The following LZTS3 variants were observed in gnomAD, a reference collection of about 807,000 sequenced individuals.
LZTS3 encodes leucine zipper tumor suppressor family member 3.
In LZTS3, 16 loss-of-function variants were observed where a neutral mutation model predicts 50.9. The observed-to-expected ratio is 0.31, with a 90% confidence interval of 0.21 to 0.48. LZTS3 has a LOEUF of 0.48. LZTS3 is among the 20% of genes least tolerant of loss of function. LZTS3 has a pLI of 0.99. For synonymous variants in LZTS3, 408 were observed against 410.6 expected (o/e 0.99, Z 0.08); for missense variants, 816 against 931.0 (o/e 0.88, Z 1.61).
Position 3,164,018 on chromosome 20 carries a change from T to C in LZTS3, c.*436A>G, listed in dbSNP as rs911112. The C allele has an allele frequency of 0.73, 116,705 of 159,438 alleles. 43,661 individuals carry two copies. Among genetic ancestry groups the C allele is most frequent in the East Asian group, 0.88 (4,716 of 5,386 alleles). 9.9% of individuals were successfully genotyped at this position (159,438 alleles called of 1,614,324 possible). A position where few individuals can be genotyped will look rare whatever the true frequency, so the allele number is the denominator to read the frequency against. On this transcript the variant is annotated 3_prime_UTR_variant, in exon 5 of 5. Coordinates refer to ENST00000337576, the MANE Select transcript of LZTS3 (RefSeq NM_001365618.1). ...CAGGCTCTGTCAGTTTCAGCAAACC[T>C]GGTGCAGGCCCCCTCAGGCTCCATG...
chr20:3,168,960 A>C (rs911379282), intron 1 of LZTS3, among the ~76,000 whole-genome samples: 1 of 152,090 alleles, frequency 6.6e-6, no homozygotes, highest in Non-Finnish European at 1.5e-5. Flanking sequence ...CAGGAATGAG[A>C]GCTCTAGGTT....
intron 1 of LZTS3, among the ~76,000 whole-genome samples, chr20:3,170,500 A>AAAAAAAAAAAAAAAAAC (rs2066891013): frequency 6.7e-6 from 1 of 148,548 alleles, no homozygotes; most frequent in African/African-American, 2.5e-5. Context: ...AAAAAAAAAA[A>AAAAAAAAAAAAAAAAAC]AAAAAACAGG....
chr20:3,165,791 C>T lies in LZTS3; in HGVS notation c.1029G>A (p.Glu343=). 3 of 1,592,702 alleles carry T rather than the reference C, an allele frequency of 1.9e-6. No individual in the cohort carries two copies. Among genetic ancestry groups the T allele is most frequent in the Non-Finnish European group, 2.6e-6 (3 of 1,175,462 alleles). The part of the protein sequence containing the change: ...QEVAALRRSL[E]QSEAAVAQVL... Reference sequence around the variant, plus strand: ...CCTGGGCCACAGCCGCCTCGCTCTGCTCCAGGCTGCGCCGCAGAGCTGCCA... The same window carrying T: ...CCTGGGCCACAGCCGCCTCGCTCTGTTCCAGGCTGCGCCGCAGAGCTGCCA... The change falls in exon 4 of 5, where the codon GAG becomes GAA. Residue 343 remains glutamate (E), a synonymous_variant. Transcript: ENST00000337576. The surrounding 1 kb of genome is among the most constrained non-coding windows in gnomAD (Gnocchi z 5.0).
chr20:3,171,045 A>AGGG (rs1217677526), intron 1 of LZTS3, among the ~76,000 whole-genome samples: 20 of 152,354 alleles, frequency 1.3e-4, no homozygotes, highest in African/African-American at 4.6e-4. Flanking sequence ...TGACTGCACC[A>AGGG]GATACCTGGA....
chr20:3,165,838 G>A lies in LZTS3; in HGVS notation c.982C>T (p.Leu328=). 1.2e-6 allele frequency: 2 copies of A among 1,604,194 alleles called. No individual in the cohort carries two copies. Among genetic ancestry groups the A allele is most frequent in the Non-Finnish European group, 1.7e-6 (2 of 1,179,304 alleles). ...GCCACCTCCTGCTCCTTCTCCCACA[G>A]CCGCTCCTCCAGCTCCTGGATGAGT... is the stretch of plus-strand genomic sequence containing the variant. The part of the protein sequence containing the change: ...SALIQELEER[L]WEKEQEVAAL... The change falls in exon 4 of 5, where the codon CTG becomes TTG. Residue 328 remains leucine, a synonymous_variant. Coordinates refer to ENST00000337576, the MANE Select transcript of LZTS3 (RefSeq NM_001365618.1). The surrounding 1 kb of genome is among the most constrained non-coding windows in gnomAD (Gnocchi z 5.0).
In LZTS3 at chr20:3,164,260, A is replaced by C. The variant is rs2066771226; in HGVS notation, c.*194T>G. 2 of 520,908 alleles carry C rather than the reference A, an allele frequency of 3.8e-6. No individual in the cohort carries two copies. The highest frequency in any genetic ancestry group is 6.3e-6 in the Non-Finnish European group (2 of 316,192). The allele number at this position is 520,908 out of a possible 1,614,324, so 32.3% of individuals were successfully genotyped here. A position where few individuals can be genotyped will look rare whatever the true frequency, so the allele number is the denominator to read the frequency against. The stretch of plus-strand genomic sequence containing the variant: ...CTATTCCCTCCTTTTAGGGGGGTCC[A>C]AGTGGGCTGCCACGGGGGCAGTGCT... On this transcript the variant is annotated 3_prime_UTR_variant, in exon 5 of 5. Transcript: ENST00000337576.
In LZTS3 at chr20:3,167,315, A is replaced by C; in HGVS notation, c.-18-134T>G. ...CAATGGGTACAAAAAGTTCCCAGGCATCCAAGGTGAAGGAATAAGGCTGGG... is the reference window on the plus strand; with the variant it reads ...CAATGGGTACAAAAAGTTCCCAGGCCTCCAAGGTGAAGGAATAAGGCTGGG... On this transcript the variant is annotated intron_variant, in intron 2 of 4. Coordinates refer to ENST00000337576, the MANE Select transcript of LZTS3 (RefSeq NM_001365618.1). 5 of 1,383,336 alleles carry C rather than the reference A, an allele frequency of 3.6e-6. No individual in the cohort carries two copies. The South Asian group carries it at 7.5e-5, about 21-fold the overall frequency. 85.7% of individuals were successfully genotyped at this position (1,383,336 alleles called of 1,614,324 possible).
chr20:3,165,398 C>T lies in LZTS3; in HGVS notation c.1323+99G>A, dbSNP rs541162517. On this transcript the variant is annotated intron_variant, in intron 4 of 4. Transcript: ENST00000337576. The surrounding 1 kb of genome is among the most constrained non-coding windows in gnomAD (Gnocchi z 5.0). ...GTCCCCCCTGCTCCTTTCATCCCCCCCCCCATCCCACCGTTATGATAGTGA... is the reference window on the plus strand; with the variant it reads ...GTCCCCCCTGCTCCTTTCATCCCCCTCCCCATCCCACCGTTATGATAGTGA... The T allele has an allele frequency of 1.1e-5, 13 of 1,236,028 alleles. 1 individual carries two copies. The highest frequency in any genetic ancestry group is 5.9e-4 in the Middle Eastern group (2 of 3,362). 76.6% of individuals were successfully genotyped at this position (1,236,028 alleles called of 1,614,324 possible).
Position 3,163,304 on chromosome 20 carries a change from G to A in LZTS3, c.*1150C>T, listed in dbSNP as rs1187512889. 6.6e-6 allele frequency: 1 copy of A among 152,664 alleles called. No homozygotes were observed. The highest frequency in any genetic ancestry group is 1.5e-5 in the Non-Finnish European group (1 of 68,150). The allele number at this position is 152,664 out of a possible 1,614,324, so 9.5% of individuals were successfully genotyped here. ...TGGGCAGGTGCTGAGCCACCTCAGG[G>A]CGCCAGGAACCTCTCAGGTCAGCCT... On this transcript the variant is annotated 3_prime_UTR_variant, in exon 5 of 5. Coordinates refer to ENST00000337576, the MANE Select transcript of LZTS3 (RefSeq NM_001365618.1). The surrounding 1 kb of genome is among the most constrained non-coding windows in gnomAD (Gnocchi z 5.2).
In LZTS3 at chr20:3,166,972, G is replaced by A. The variant is rs1456001793; in HGVS notation, c.192C>T (p.Ser64=). The change falls in exon 3 of 5, where the codon AGC becomes AGT. Residue 64 remains serine, a synonymous_variant. Coordinates refer to ENST00000337576, the MANE Select transcript of LZTS3 (RefSeq NM_001365618.1). ...CTCGGGGGCCAGGGAAACTGCCCTGGCTGCCCCCACCCCCTGTGCGGGTAC... is the reference window on the plus strand; with the variant it reads ...CTCGGGGGCCAGGGAAACTGCCCTGACTGCCCCCACCCCCTGTGCGGGTAC... ...SVGTRTGGGG[S]QGSFPGPRGS... is the part of the protein sequence containing the mutation. 1.9e-6 allele frequency: 3 copies of A among 1,601,470 alleles called. No homozygotes were observed. Among genetic ancestry groups the A allele is most frequent in the Non-Finnish European group, 2.5e-6 (3 of 1,178,914 alleles).
Position 3,164,534 on chromosome 20 carries a change from T to C in LZTS3, c.1942A>G (p.Thr648Ala). 1 of 1,603,180 alleles carries C rather than the reference T, an allele frequency of 6.2e-7. No homozygotes were observed. Among genetic ancestry groups the C allele is most frequent in the Non-Finnish European group, 8.5e-7 (1 of 1,175,052 alleles). Residue 648 changes from threonine to alanine, a missense_variant, in exon 5 of 5, where the codon ACG becomes GCG. By Grantham distance (58) the Thr-to-Ala change is moderately conservative. Around this residue, in one of 3 missense-constraint regions of LZTS3, gnomAD observed 107 missense variants for 130.4 expected, o/e 0.82. Coordinates refer to ENST00000337576, the MANE Select transcript of LZTS3 (RefSeq NM_001365618.1). ...TCCTCGCCATGCTGGGGAGTGGGCGTGCTTGCACCCCCTGCGGCCCCGCGC... is the reference window on the plus strand; with the variant it reads ...TCCTCGCCATGCTGGGGAGTGGGCGCGCTTGCACCCCCTGCGGCCCCGCGC... ...RERGAAGGAS[T>A]PTPQHGEEKK...
In LZTS3 at chr20:3,166,945, G is replaced by A. The variant is rs1272740338; in HGVS notation, c.219C>T (p.Gly73=). 2.5e-6 allele frequency: 4 copies of A among 1,607,188 alleles called. No homozygotes were observed. Among genetic ancestry groups the A allele is most frequent in the East Asian group, 2.2e-5 (1 of 44,842 alleles). ...TCTCCCTGCTGGCCCCACTGCCACTGCCTCGGGGGCCAGGGAAACTGCCCT... is the reference window on the plus strand; with the variant it reads ...TCTCCCTGCTGGCCCCACTGCCACTACCTCGGGGGCCAGGGAAACTGCCCT... ...GSQGSFPGPR[G]SGSGASRERP... The change falls in exon 3 of 5, where the codon GGC becomes GGT. Residue 73 remains glycine (G), a synonymous_variant. Coordinates refer to ENST00000337576, the MANE Select transcript of LZTS3 (RefSeq NM_001365618.1).
chr20:3,165,810 G>A lies in LZTS3; in HGVS notation c.1010C>T (p.Ala337Val), dbSNP rs1258978856. The change falls in exon 4 of 5, where the codon GCT becomes GTT. Residue 337 changes from alanine to valine, a missense_variant. Physicochemically the swap from Ala to Val is moderately conservative, Grantham distance 64. Around this residue, in one of 3 missense-constraint regions of LZTS3, gnomAD observed 700 missense variants for 769.4 expected, o/e 0.91. Coordinates refer to ENST00000337576, the MANE Select transcript of LZTS3 (RefSeq NM_001365618.1). The surrounding 1 kb of genome is among the most constrained non-coding windows in gnomAD (Gnocchi z 5.0). Reference sequence around the variant, plus strand: ...GCTCTGCTCCAGGCTGCGCCGCAGAGCTGCCACCTCCTGCTCCTTCTCCCA... The same window carrying A: ...GCTCTGCTCCAGGCTGCGCCGCAGAACTGCCACCTCCTGCTCCTTCTCCCA... ...RLWEKEQEVA[A>V]LRRSLEQSEA... 1.9e-6 allele frequency: 3 copies of A among 1,599,766 alleles called. No homozygotes were observed. The South Asian group carries it at 3.3e-5, about 18-fold the overall frequency.
At chr20:3,166,576 G>T in intron 3 of LZTS3, 129 bp downstream of exon 3, 1 of 1,270,964 alleles carries the variant, frequency 7.9e-7, no homozygotes, top group Non-Finnish European at 1.1e-6. Context: ...CCCAGTCCAT[G>T]ACTCCCCAGC....
At chr20:3,166,474 C>T in intron 3 of LZTS3, 114 bp from the exon 4 acceptor site, 1 of 1,346,308 alleles carries the variant, frequency 7.4e-7, no homozygotes, top group Non-Finnish European at 9.9e-7. Flanking sequence ...ACTGGATTTC[C>T]ACCCTGAGGT....
rs1284460846 is a variant in LZTS3 at position 3,165,187 on chromosome 20, A to C, written c.1324-35T>G. ...AACAGGTGAGAGGAGAAGCCAGGTAAAGGCAGAGCTCTGCTCACCCCAACC... is the reference window on the plus strand; with the variant it reads ...AACAGGTGAGAGGAGAAGCCAGGTACAGGCAGAGCTCTGCTCACCCCAACC... On this transcript the variant is annotated intron_variant, in intron 4 of 4. Transcript: ENST00000337576. This position sits in a 1 kb window ranked among gnomAD's most constrained non-coding sequence, Gnocchi z 5.0. 1 of 1,481,808 alleles carries C rather than the reference A, an allele frequency of 6.7e-7. No individual in the cohort carries two copies. The highest frequency in any genetic ancestry group is 9.0e-7 in the Non-Finnish European group (1 of 1,112,564). 91.8% of individuals were successfully genotyped at this position (1,481,808 alleles called of 1,614,324 possible).
In LZTS3 at chr20:3,168,978, AG is replaced by A. The variant is rs1359023836; in HGVS notation, c.-242-1018del. 2.0e-5 allele frequency among the ~76,000 whole-genome samples: 3 copies of A among 152,178 alleles called. No homozygotes were observed. In the East Asian group the frequency reaches 5.8e-4, roughly 29 times the overall value. The stretch of plus-strand genomic sequence containing the variant: ...GAATGAGAGCTCTAGGTTGTTGGAA[AG>A]TTCACTACCAAGCCTGTCCACTGTC... On this transcript the variant is annotated intron_variant, in intron 1 of 4. Coordinates refer to ENST00000337576, the MANE Select transcript of LZTS3 (RefSeq NM_001365618.1).
In LZTS3 at chr20:3,165,926, G is replaced by C. The variant is rs758462646; in HGVS notation, c.894C>G (p.Gly298=). Reference sequence around the variant, plus strand: ...GGCCTCCACCTCCGCCCTCCCCAGAGCCCAGGTGGCCTGGCCGCCCCATAG... The same window carrying C: ...GGCCTCCACCTCCGCCCTCCCCAGACCCCAGGTGGCCTGGCCGCCCCATAG... The part of the protein sequence containing the change: ...SSSMGRPGHL[G]SGEGGGGGLP... The change falls in exon 4 of 5, where the codon GGC becomes GGG. Residue 298 remains glycine, a synonymous_variant. Coordinates refer to ENST00000337576, the MANE Select transcript of LZTS3 (RefSeq NM_001365618.1). The surrounding 1 kb of genome is among the most constrained non-coding windows in gnomAD (Gnocchi z 5.0). The C allele has an allele frequency of 4.3e-6, 7 of 1,611,448 alleles. No individual in the cohort carries two copies. Among genetic ancestry groups the C allele is most frequent in the Middle Eastern group, 3.3e-4 (2 of 6,062 alleles).
At position 3,165,783 on chromosome 20, in the gene LZTS3, T is replaced by C; in HGVS notation, c.1037A>G (p.Glu346Gly). 6.3e-7 allele frequency: 1 copy of C among 1,588,160 alleles called. No homozygotes were observed. The highest frequency in any genetic ancestry group is 2.3e-5 in the East Asian group (1 of 44,068). ...AALRRSLEQS[E>G]AAVAQVLEER... ...CTCCAGTACCTGGGCCACAGCCGCC[T>C]CGCTCTGCTCCAGGCTGCGCCGCAG... The change falls in exon 4 of 5, where the codon GAG becomes GGG. Residue 346 changes from glutamate to glycine, a missense_variant. Glu to Gly is a moderately conservative substitution (Grantham distance 98). Transcript: ENST00000337576. The surrounding 1 kb of genome is among the most constrained non-coding windows in gnomAD (Gnocchi z 5.0).
Sources: allele counts gnomAD v4.1 joint callset (sites outside exome capture counted in the v4.1 genomes callset), GRCh38; gene constraint gnomAD v4.1.1; regional missense constraint gnomAD v4.1.1; non-coding constraint Gnocchi (gnomAD v3.1); transcripts MANE v1.5; gene names NCBI Gene and HGNC (gene_info 2026-07-23, HGNC 2026-07-21).